EFL1: variants seen among roughly 807,000 people sequenced by gnomAD.
EFL1 encodes elongation factor like GTPase 1, also known as elongation factor-like GTPase 1.
A neutral mutation model predicts 126.7 loss-of-function variants in EFL1; 76 were observed. The ratio of observed to expected loss-of-function variants is 0.60; its 90% CI spans 0.50 to 0.73. The LOEUF is 0.73. Among genes scored for constraint, EFL1 ranks in the 30% least tolerant of loss-of-function variants. The pLI is 0.00. For synonymous variants in EFL1, 410 were observed against 448.4 expected (o/e 0.91, Z 1.08); for missense variants, 1,128 against 1,343.2 (o/e 0.84, Z 2.50).
In EFL1 at chr15:82,151,546, G is replaced by A. The variant is rs757808847; in HGVS notation, c.2908C>T (p.Arg970Cys). Residue 970 changes from arginine to cysteine, a missense_variant, in exon 18 of 20, where the codon CGC becomes TGC. Physicochemically the swap from Arg to Cys is radical, Grantham distance 180. Around this residue, in one of 6 missense-constraint regions of EFL1, gnomAD observed 561 missense variants for 641.7 expected, o/e 0.87. Coordinates refer to ENST00000268206, the MANE Select transcript of EFL1 (RefSeq NM_024580.6). ...TGAGGTTTCACTTGCAGTGCATAGC[G>A]ACATGCTTCTTTCATGGTGGCAATT... Reference protein sequence around the residue: ...QLIATMKEACRYALQVKPQRL... With the variant: ...QLIATMKEACCYALQVKPQRL... 8 of 1,613,996 alleles carry A rather than the reference G, an allele frequency of 5.0e-6. No homozygotes were observed. Among genetic ancestry groups the A allele is most frequent in the Non-Finnish European group, 6.8e-6 (8 of 1,180,046 alleles).
intron 15 of EFL1, among the ~76,000 whole-genome samples, chr15:82,198,827 T>G (rs1383536712): frequency 6.6e-6 from 1 of 152,186 alleles, no homozygotes; most frequent in Non-Finnish European, 1.5e-5. Context: ...AGAGGATGCC[T>G]TATTTACTAG....
At chr15:82,162,230 T>C (rs1043925377) in intron 16 of EFL1, among the ~76,000 whole-genome samples, 1 of 152,166 alleles carries the variant, frequency 6.6e-6, no homozygotes, top group African/African-American at 2.4e-5. Context: ...TGAATCGTGA[T>C]TGTGACTGAG....
At chr15:82,145,456 A>C (rs1595939810) in intron 18 of EFL1, among the ~76,000 whole-genome samples, 1 of 152,014 alleles carries the variant, frequency 6.6e-6, no homozygotes, top group East Asian at 1.9e-4. Flanking sequence ...TACCTACTAC[A>C]TACCTATAAA....
In EFL1 at chr15:82,241,516, T is replaced by C. The variant is rs976371109; in HGVS notation, c.245-113A>G. On this transcript the variant is annotated intron_variant, in intron 4 of 19. Coordinates refer to ENST00000268206, the MANE Select transcript of EFL1 (RefSeq NM_024580.6). The stretch of plus-strand genomic sequence containing the variant: ...CTTCTAAGAAAAAACTGAACAAAGC[T>C]AAAGGAGTTGAAAGCTCAATCCAGA... 3.7e-6 allele frequency: 5 copies of C among 1,346,646 alleles called. No homozygotes were observed. In the African/African-American group the frequency reaches 7.4e-5, roughly 20 times the overall value. The allele number at this position is 1,346,646 out of a possible 1,614,324, so 83.4% of individuals were successfully genotyped here.
At chr15:82,229,441 T>C (rs1595997113) in intron 8 of EFL1, among the ~76,000 whole-genome samples, 1 of 152,200 alleles carries the variant, frequency 6.6e-6, no homozygotes, top group Non-Finnish European at 1.5e-5. Flanking sequence ...GCTCTTTCCA[T>C]GGACTTCAGT....
chr15:82,170,618 T>C (rs1242408975), intron 15 of EFL1, among the ~76,000 whole-genome samples: 1 of 152,210 alleles, frequency 6.6e-6, no homozygotes, highest in Non-Finnish European at 1.5e-5. Context: ...GTGGCAGTGG[T>C]GGTTCTAACA....
At position 82,229,105 on chromosome 15, in the gene EFL1, T is replaced by C. The variant is rs1488525131; in HGVS notation, c.861A>G (p.Lys287=). ...ACTGTACAAATAAAGGTTTCTTTCC[T>C]TTGGCCTGTACAAAAGAACATACGG... ...AKKIMKGDQA[K]GKKPLFVQLI... The change falls in exon 9 of 20, where the codon AAA becomes AAG. Residue 287 remains lysine, a synonymous_variant. Coordinates refer to ENST00000268206, the MANE Select transcript of EFL1 (RefSeq NM_024580.6). 6.2e-7 allele frequency: 1 copy of C among 1,610,260 alleles called. No individual in the cohort carries two copies. Among genetic ancestry groups the C allele is most frequent in the Non-Finnish European group, 8.5e-7 (1 of 1,179,230 alleles).
At chr15:82,157,576 T>TG in intron 17 of EFL1, 137 bp downstream of exon 17, 2 of 1,001,398 alleles carry the variant, frequency 2.0e-6, no homozygotes, top group Non-Finnish European at 2.8e-6. Context: ...ATCGAATAAC[T>TG]GTTCATGTCT....
chr15:82,234,631 T>C (rs1245150039), intron 7 of EFL1, among the ~76,000 whole-genome samples: 5 of 152,000 alleles, frequency 3.3e-5, no homozygotes, highest in Non-Finnish European at 1.5e-5. Context: ...AAAAGGAAAA[T>C]ACATTTTAAA....
At chr15:82,130,698 G>T in intron 19 of EFL1, 137 bp from the exon 20 acceptor site, 1 of 914,346 alleles carries the variant, frequency 1.1e-6, no homozygotes, top group Non-Finnish European at 1.6e-6. Flanking sequence ...GCTAGGAATG[G>T]TAATAAGTAT....
chr15:82,156,534 T>C (rs2073969467), intron 17 of EFL1, among the ~76,000 whole-genome samples: 1 of 152,272 alleles, frequency 6.6e-6, no homozygotes, highest in South Asian at 2.1e-4. Flanking sequence ...CTGCCCGCCC[T>C]GGCCTCCCAA....
At position 82,228,381 on chromosome 15, in the gene EFL1, G is replaced by A. The variant is rs1422331964; in HGVS notation, c.933-54C>T. On this transcript the variant is annotated intron_variant, in intron 9 of 19. Coordinates refer to ENST00000268206, the MANE Select transcript of EFL1 (RefSeq NM_024580.6). ...AAATGTCATATGCAGATATAAACAG[G>A]CAGTGGAACCCAACATTATTTGGCA... 4 of 1,551,954 alleles carry A rather than the reference G, an allele frequency of 2.6e-6. No individual in the cohort carries two copies. In the South Asian group the frequency reaches 3.7e-5, roughly 14 times the overall value.
intron 15 of EFL1, among the ~76,000 whole-genome samples, chr15:82,192,843 A>AAAAGAAAGAAAG (rs34352552): frequency 1.3e-4 from 19 of 151,952 alleles, no homozygotes; most frequent in African/African-American, 4.6e-4. Flanking sequence ...TTTTATTAAA[A>AAAAGAAAGAAAG]AAAGAAAGAA....
intron 15 of EFL1, among the ~76,000 whole-genome samples, chr15:82,187,948 T>G (rs2074319721): frequency 6.6e-6 from 1 of 152,122 alleles, no homozygotes; most frequent in South Asian, 2.1e-4. Flanking sequence ...AAAACAGCCC[T>G]GTGTTTCCAG....
At chr15:82,166,825 T>C (rs1299011952) in intron 15 of EFL1, among the ~76,000 whole-genome samples, 1 of 152,238 alleles carries the variant, frequency 6.6e-6, no homozygotes, top group Admixed American at 6.5e-5. Context: ...CCTTCTTTTT[T>C]CTAATTAAAT....
At position 82,223,264 on chromosome 15, in the gene EFL1, G is replaced by GA. The variant is rs34700666; in HGVS notation, c.1292+1900dup. Among the ~76,000 whole-genome samples, 257 of 150,260 alleles carry GA rather than the reference G, an allele frequency of 1.7e-3. 1 individual carries two copies. The highest frequency in any genetic ancestry group is 3.0e-3 in the Non-Finnish European group (203 of 67,518). On this transcript the variant is annotated intron_variant, in intron 12 of 19. Transcript: ENST00000268206. ...CAAATTTAAAAAATAAAACTTAAAT[G>GA]AAAAAAAAAAATCAGCTAGAAGATG...
chr15:82,166,201 A>C (rs2074078327), intron 15 of EFL1, among the ~76,000 whole-genome samples: 1 of 152,208 alleles, frequency 6.6e-6, no homozygotes, highest in South Asian at 2.1e-4. Flanking sequence ...GAAAAGATAA[A>C]TGCTGGTCTT....
At chr15:82,158,028 A>AT (rs1293374542) in intron 16 of EFL1, among the ~76,000 whole-genome samples, 168 bp from the exon 17 acceptor site, 1 of 152,158 alleles carries the variant, frequency 6.6e-6, no homozygotes, top group Non-Finnish European at 1.5e-5. Flanking sequence ...CCTTCTAGTA[A>AT]TTTTTTTGTA....
intron 19 of EFL1, among the ~76,000 whole-genome samples, chr15:82,133,604 A>G (rs2073684114): frequency 6.6e-6 from 1 of 152,006 alleles, no homozygotes. Flanking sequence ...GGCACATAGG[A>G]CCTCCTTGTA....
Sources: gnomAD v4.1 joint callset for allele counts (sites outside exome capture counted in the v4.1 genomes callset) on GRCh38, gnomAD v4.1.1 for gene constraint, gnomAD v4.1.1 regional missense constraint, MANE v1.5 for transcripts, NCBI Gene and HGNC (gene_info 2026-07-23, HGNC 2026-07-21) for gene names.